NFIC: variants seen among roughly 807,000 people sequenced by gnomAD.
NFIC encodes nuclear factor I C.
Under a neutral mutation model 54.4 loss-of-function variants are expected in NFIC, and 12 were observed. The observed-to-expected ratio is 0.22, with a 90% CI of 0.14 to 0.36. NFIC has a LOEUF of 0.36. Ranked by LOEUF, NFIC falls within the 10% of genes least tolerant of loss-of-function variation. The pLI, the probability that NFIC is intolerant of heterozygous loss-of-function variation, is 1.00. For synonymous variants in NFIC, 322 were observed against 319.2 expected, an observed-to-expected ratio of 1.01 and a Z score of -0.09; for missense variants, 575 against 718.2, an observed-to-expected ratio of 0.80 and a Z score of 2.28.
intron 2 of NFIC, among the ~76,000 whole-genome samples, chr19:3,400,231 T>C (rs892680425): frequency 1.3e-5 from 2 of 152,110 alleles, no homozygotes; most frequent in African/African-American, 4.8e-5. Flanking sequence ...ATCCCAGCAC[T>C]TTGGGAGGCT....
chr19:3,435,432 G>A (rs147398323), intron 6 of NFIC, among the ~76,000 whole-genome samples: 4 of 152,344 alleles, frequency 2.6e-5, no homozygotes, highest in African/African-American at 9.6e-5. Context: ...GGAGGGCAGA[G>A]ACTGTCCCCT....
Position 3,432,537 on chromosome 19 carries a change from G to A in NFIC, c.635-981G>A, listed in dbSNP as rs562241536. 1.5e-4 allele frequency among the ~76,000 whole-genome samples: 23 copies of A among 152,204 alleles called. No homozygotes were observed. The South Asian group carries it at 2.5e-3, about 16-fold the overall frequency. On this transcript the variant is annotated intron_variant, in intron 3 of 10. Coordinates refer to ENST00000443272, the MANE Select transcript of NFIC (RefSeq NM_001245002.2). ...TGGATACAGATCTCACGACAACCCC[G>A]ATGATGGGATTGATGGTTTCACTTT...
At chr19:3,444,792 C>T (rs2082347901) in intron 6 of NFIC, among the ~76,000 whole-genome samples, 1 of 152,194 alleles carries the variant, frequency 6.6e-6, no homozygotes, top group African/African-American at 2.4e-5. Context: ...CAGGGAGCTG[C>T]CAGCCCCTGC....
chr19:3,404,255 G>C (rs1297100332), intron 2 of NFIC, among the ~76,000 whole-genome samples: 3 of 151,702 alleles, frequency 2.0e-5, no homozygotes, highest in Non-Finnish European at 4.4e-5. Flanking sequence ...TGTAAACAGC[G>C]AGTTATTTTC....
At position 3,359,651 on chromosome 19, in the gene NFIC, C is replaced by T. The variant is rs1230294284; in HGVS notation, c.-32C>T. 7.9e-6 allele frequency: 11 copies of T among 1,384,672 alleles called. No individual in the cohort carries two copies. In the South Asian group the frequency reaches 1.2e-4, roughly 16 times the overall value. The allele number at this position is 1,384,672 out of a possible 1,614,324, so 85.8% of individuals were successfully genotyped here. ...CGCCGGGGACCGAGCGCGCTCGCTC[C>T]GGCGCCGGCCTCGCCTCCTCGCAGC... On this transcript the variant is annotated 5_prime_UTR_variant, in exon 1 of 10. Coordinates refer to the NFIC transcript ENST00000395111.
At chr19:3,387,178 C>A (rs904787921) in intron 2 of NFIC, among the ~76,000 whole-genome samples, 2 of 152,160 alleles carry the variant, frequency 1.3e-5, no homozygotes, top group African/African-American at 4.8e-5. Flanking sequence ...TGCCATGGGG[C>A]TGAAAGGAGC....
intron 2 of NFIC, among the ~76,000 whole-genome samples, chr19:3,391,427 G>A (rs2081374859): frequency 6.6e-6 from 1 of 152,012 alleles, no homozygotes; most frequent in African/African-American, 2.4e-5. Context: ...GAGGCGGGAA[G>A]ATGACTTGAG....
intron 1 of NFIC, among the ~76,000 whole-genome samples, chr19:3,377,548 C>T (rs1465505238): frequency 1.3e-5 from 2 of 151,874 alleles, no homozygotes; most frequent in Admixed American, 1.3e-4. Context: ...TCTTCTTGTT[C>T]CTTGTATTTA....
In NFIC at chr19:3,464,849, A is replaced by C; in HGVS notation, c.*2080A>C. On this transcript the variant is annotated 3_prime_UTR_variant, in exon 11 of 11. Transcript: ENST00000443272. ...TCCCCCGGTGGCCCTTGGGGATCAA[A>C]GCGTGGGCCGCTCTCCGGGAGGGCG... is the stretch of plus-strand genomic sequence containing the variant. The C allele has an allele frequency of 3.3e-6, 1 of 306,238 alleles. No homozygotes were observed. The highest frequency in any genetic ancestry group is 2.3e-5 in the African/African-American group (1 of 43,652). The allele number at this position is 306,238 out of a possible 1,614,324, so 19.0% of individuals were successfully genotyped here.
chr19:3,432,300 G>A (rs559850292), intron 3 of NFIC, among the ~76,000 whole-genome samples: 25 of 152,244 alleles, frequency 1.6e-4, no homozygotes, highest in African/African-American at 5.1e-4. Flanking sequence ...TTTTAACTGC[G>A]GCTTGTGGGC....
intron 3 of NFIC, among the ~76,000 whole-genome samples, chr19:3,432,553 G>GTT (rs1337009139): frequency 6.6e-6 from 1 of 152,018 alleles, no homozygotes; most frequent in Non-Finnish European, 1.5e-5. Flanking sequence ...GGGATTGATG[G>GTT]TTTCACTTTT....
At chr19:3,461,355 G>GCA in intron 10 of NFIC, among the ~76,000 whole-genome samples, 1 of 151,494 alleles carries the variant, frequency 6.6e-6, no homozygotes, top group Non-Finnish European at 1.5e-5. Flanking sequence ...CCCAGGAGAT[G>GCA]GAGGCTGCAG....
chr19:3,393,363 C>T lies in NFIC; in HGVS notation c.562+11120C>T, dbSNP rs777597347. On this transcript the variant is annotated intron_variant, in intron 2 of 10. Coordinates refer to ENST00000443272, the MANE Select transcript of NFIC (RefSeq NM_001245002.2). The stretch of plus-strand genomic sequence containing the variant: ...GAAGGGGGTTCTGAGGGGAGGAAGA[C>T]GCGAGAATCTCAACGCTGAAGTGGT... 1.1e-4 allele frequency among the ~76,000 whole-genome samples: 16 copies of T among 152,202 alleles called. 1 individual carries two copies. Among genetic ancestry groups the T allele is most frequent in the African/African-American group, 1.7e-4 (7 of 41,544 alleles).
chr19:3,423,446 G>A (rs929351777), intron 2 of NFIC, among the ~76,000 whole-genome samples: 1 of 152,126 alleles, frequency 6.6e-6, no homozygotes, highest in Non-Finnish European at 1.5e-5. Context: ...GTGGGCAGGA[G>A]GGGCGTGATT....
chr19:3,458,746 T>C lies in NFIC; in HGVS notation c.1509+2111T>C, dbSNP rs1413095843. Among the ~76,000 whole-genome samples the C allele has an allele frequency of 1.3e-5, 2 of 151,964 alleles. No individual in the cohort carries two copies. The highest frequency in any genetic ancestry group is 3.9e-4 in the East Asian group (2 of 5,176). On this transcript the variant is annotated intron_variant, in intron 10 of 10. Coordinates refer to ENST00000443272, the MANE Select transcript of NFIC (RefSeq NM_001245002.2). The surrounding 1 kb of genome is among the most constrained non-coding windows in gnomAD (Gnocchi z 4.1). ...AGGGGCCAGACAGATGATGCGGGCT[T>C]TGCTCTGGGGTAGTGGGGAGCCATA...
At chr19:3,400,615 C>T (rs2081540204) in intron 2 of NFIC, among the ~76,000 whole-genome samples, 1 of 152,056 alleles carries the variant, frequency 6.6e-6, no homozygotes, top group Non-Finnish European at 1.5e-5. Context: ...CCGAGGCGGG[C>T]AGATCACCTG....
chr19:3,448,906 A>T, intron 6 of NFIC, 108 bp from the exon 7 acceptor site: 1 of 1,471,598 alleles, frequency 6.8e-7, no homozygotes, highest in Non-Finnish European at 9.1e-7. Flanking sequence ...GGGTAAGAGG[A>T]GGCGGGGTGA....
chr19:3,448,203 G>T (rs1181022157), intron 6 of NFIC, among the ~76,000 whole-genome samples: 2 of 152,242 alleles, frequency 1.3e-5, no homozygotes, highest in Non-Finnish European at 2.9e-5. Context: ...CTCCCAAGTA[G>T]CTGGGATTAC....
upstream of NFIC, among the ~76,000 whole-genome samples, chr19:3,361,684 T>C (rs2080813545): frequency 6.6e-6 from 1 of 152,028 alleles, no homozygotes; most frequent in South Asian, 2.1e-4. Context: ...ATTCTCGGGT[T>C]GTCACCATCC....
Sources: allele counts gnomAD v4.1 joint callset (sites outside exome capture counted in the v4.1 genomes callset), GRCh38; gene constraint gnomAD v4.1.1; non-coding constraint Gnocchi (gnomAD v3.1); transcripts MANE v1.5; gene names NCBI Gene and HGNC (gene_info 2026-07-23, HGNC 2026-07-21).